Variants in GNA12 observed in about 807,000 individuals in gnomAD.
GNA12 encodes guanine nucleotide-binding protein subunit alpha-12.
Under a neutral mutation model 26.0 loss-of-function variants are expected in GNA12, and 9 were observed. The ratio of observed to expected loss-of-function variants is 0.35; its 90% CI spans 0.21 to 0.60. GNA12 has a LOEUF of 0.60. GNA12 is among the 20% of genes least tolerant of loss of function. The pLI is 0.78. For synonymous variants in GNA12, 264 were observed against 219.6 expected, an observed-to-expected ratio of 1.20 and a Z score of -1.79; for missense variants, 405 against 525.8, an observed-to-expected ratio of 0.77 and a Z score of 2.25.
At chr7:2,780,549 T>C (rs976622301) in intron 2 of GNA12, among the ~76,000 whole-genome samples, 3 of 152,196 alleles carry the variant, frequency 2.0e-5, no homozygotes, top group Admixed American at 1.3e-4. Flanking sequence ...GCTGGTATCC[T>C]TTCCAGTAGT....
chr7:2,842,100 AAGGAAGGAAG>A (rs1779009027), intron 1 of GNA12, among the ~76,000 whole-genome samples: 1 of 146,748 alleles, frequency 6.8e-6, no homozygotes, highest in African/African-American at 2.6e-5. Flanking sequence ...AAAGGAAGGA[AAGGAAGGAAG>A]GGAAGGGAGG....
At chr7:2,768,731 C>T (rs1177699589) in intron 2 of GNA12, among the ~76,000 whole-genome samples, 1 of 150,984 alleles carries the variant, frequency 6.6e-6, no homozygotes, top group Non-Finnish European at 1.5e-5. Flanking sequence ...GAGTTCATTC[C>T]CACTCATTCC....
At chr7:2,795,249 A>G in intron 1 of GNA12, 106 bp from the exon 2 acceptor site, 2 of 822,766 alleles carry the variant, frequency 2.4e-6, no homozygotes, top group Admixed American at 2.0e-5. Context: ...GAAAACTCAC[A>G]AGCTCTGAGC....
intron 1 of GNA12, chr7:2,835,570 G>C: frequency 1.9e-6 from 1 of 531,936 alleles, no homozygotes. Flanking sequence ...GGGAGCAAGA[G>C]CGCGCTTGGG....
At chr7:2,840,392 A>G (rs1778956269) in intron 1 of GNA12, among the ~76,000 whole-genome samples, 1 of 152,218 alleles carries the variant, frequency 6.6e-6, no homozygotes, top group Non-Finnish European at 1.5e-5. Flanking sequence ...CATCTGAAGC[A>G]TTATGAAAAT....
intron 1 of GNA12, among the ~76,000 whole-genome samples, chr7:2,811,736 G>A (rs1238934505): frequency 6.6e-6 from 1 of 152,222 alleles, no homozygotes; most frequent in African/African-American, 2.4e-5. Context: ...CCACAGCTGT[G>A]CTGGTCTCTG....
intron 2 of GNA12, among the ~76,000 whole-genome samples, chr7:2,767,906 G>A (rs1206624923): frequency 6.6e-6 from 1 of 152,210 alleles, no homozygotes; most frequent in African/African-American, 2.4e-5. Context: ...CCGGGCTGGA[G>A]TGCAGTGGTA....
chr7:2,818,735 C>A (rs1189683740), intron 1 of GNA12, among the ~76,000 whole-genome samples: 1 of 142,746 alleles, frequency 7.0e-6, no homozygotes, highest in South Asian at 2.2e-4. Flanking sequence ...TACACTCCAG[C>A]GTGGGTGACA....
chr7:2,741,933 T>C (rs1377815111), intron 2 of GNA12, among the ~76,000 whole-genome samples: 2 of 151,622 alleles, frequency 1.3e-5, no homozygotes, highest in African/African-American at 4.9e-5. Flanking sequence ...TAAGACCATT[T>C]CCCTCCTCTA....
intron 2 of GNA12, among the ~76,000 whole-genome samples, chr7:2,774,715 C>T (rs1255589035): frequency 6.6e-6 from 1 of 152,190 alleles, no homozygotes; most frequent in Non-Finnish European, 1.5e-5. Flanking sequence ...GTTTGTCTTC[C>T]TTTTTATATA....
At chr7:2,758,431 T>C (rs556594233) in intron 2 of GNA12, among the ~76,000 whole-genome samples, 1 of 152,308 alleles carries the variant, frequency 6.6e-6, no homozygotes, top group South Asian at 2.1e-4. Flanking sequence ...GTTTCATGTG[T>C]TCTGTGCTGT....
chr7:2,837,343 C>T (rs530546186), intron 1 of GNA12, among the ~76,000 whole-genome samples: 17 of 152,254 alleles, frequency 1.1e-4, no homozygotes, highest in African/African-American at 3.4e-4. Context: ...CTCAGAGACC[C>T]GGAGGTCATT....
rs114763685 is a variant in GNA12 at position 2,840,087 on chromosome 7, C to T, written c.309+3766G>A. On this transcript the variant is annotated intron_variant, in intron 1 of 3. Coordinates refer to ENST00000275364, the MANE Select transcript of GNA12 (RefSeq NM_007353.3). ...AAAGAGCAACATGAAGGGTCCTTCT[C>T]TGATGGAAAGGCTCTGTATCGTGAC... Among the ~76,000 whole-genome samples the T allele has an allele frequency of 1.6e-3, 240 of 152,240 alleles. 1 individual carries two copies. The highest frequency in any genetic ancestry group is 5.7e-3 in the African/African-American group (236 of 41,532).
At chr7:2,827,226 C>T (rs772734665) in intron 1 of GNA12, among the ~76,000 whole-genome samples, 13 of 151,912 alleles carry the variant, frequency 8.6e-5, no homozygotes, top group Non-Finnish European at 1.3e-4. Flanking sequence ...TGCCAGGGGC[C>T]GGGAGAAGGA....
intron 2 of GNA12, among the ~76,000 whole-genome samples, chr7:2,772,424 G>T (rs190091960): frequency 6.6e-6 from 1 of 152,234 alleles, no homozygotes; most frequent in Admixed American, 6.5e-5. Context: ...GCCGGGCGTG[G>T]TGGTGGGCAC....
chr7:2,798,492 T>C lies in GNA12; in HGVS notation c.310-3349A>G, dbSNP rs76647450. Reference sequence around the variant, plus strand: ...CAAAATATGTGTAGGACTTATGTGCTGAAAACTGCAAAATGTTGAGGAAAG... The same window carrying C: ...CAAAATATGTGTAGGACTTATGTGCCGAAAACTGCAAAATGTTGAGGAAAG... On this transcript the variant is annotated intron_variant, in intron 1 of 3. Coordinates refer to ENST00000275364, the MANE Select transcript of GNA12 (RefSeq NM_007353.3). 5.7e-3 allele frequency among the ~76,000 whole-genome samples: 863 copies of C among 152,336 alleles called. 9 individuals carry two copies. The highest frequency in any genetic ancestry group is 0.019 in the African/African-American group (801 of 41,568).
chr7:2,796,004 GAGATT>G (rs1279829943), intron 1 of GNA12, among the ~76,000 whole-genome samples: 12 of 151,992 alleles, frequency 7.9e-5, no homozygotes, highest in African/African-American at 2.9e-4. Context: ...ATTTTTAGCT[GAGATT>G]ACAGACCACC....
chr7:2,758,334 C>T (rs1041778566), intron 2 of GNA12, among the ~76,000 whole-genome samples: 1 of 152,168 alleles, frequency 6.6e-6, no homozygotes, highest in African/African-American at 2.4e-5. Flanking sequence ...CAAGTGATGA[C>T]ATCCTCATAC....
chr7:2,774,248 C>T (rs1792020012), intron 2 of GNA12, among the ~76,000 whole-genome samples: 1 of 152,050 alleles, frequency 6.6e-6, no homozygotes, highest in Non-Finnish European at 1.5e-5. Context: ...CATGTATATG[C>T]ATATATACAC....
Sources: allele counts gnomAD v4.1 joint callset (sites outside exome capture counted in the v4.1 genomes callset), GRCh38; gene constraint gnomAD v4.1.1; transcripts MANE v1.5; gene names NCBI Gene and HGNC (gene_info 2026-07-23, HGNC 2026-07-21).